The following NELL1 variants were observed in gnomAD, a reference collection of about 807,000 sequenced individuals.
The protein encoded by NELL1 is neural EGFL like 1, also known as protein kinase C-binding protein NELL1.
In NELL1, 76 loss-of-function variants were observed where a neutral mutation model predicts 107.4. That is an observed-to-expected ratio of 0.71 (90% CI 0.59 to 0.86). The LOEUF is 0.86. Among genes scored for constraint, NELL1 ranks in the 40% least tolerant of loss-of-function variants. NELL1 has a pLI of 0.00. For synonymous variants in NELL1, 353 were observed against 341.2 expected (o/e 1.03, Z -0.38); for missense variants, 1,024 against 1,005.5 (o/e 1.02, Z -0.25).
intron 14 of NELL1, among the ~76,000 whole-genome samples, chr11:21,241,647 A>G (rs1255710908): frequency 2.0e-5 from 3 of 152,130 alleles, no homozygotes; most frequent in Non-Finnish European, 4.4e-5. Flanking sequence ...TCTTTCTGCC[A>G]TCAGATATTG....
chr11:20,938,932 CTCTCTCTCTG>C (rs55686207), intron 10 of NELL1, among the ~76,000 whole-genome samples: 71,416 of 139,150 alleles, frequency 0.51, 18,863 homozygotes, highest in Admixed American at 0.63. Context: ...CTCTCTCTCT[CTCTCTCTCTG>C]TGTGTGTGTG....
intron 12 of NELL1, among the ~76,000 whole-genome samples, chr11:20,985,304 G>C (rs1851830837): frequency 6.6e-6 from 1 of 152,100 alleles, no homozygotes; most frequent in African/African-American, 2.4e-5. Context: ...CTTTATATAT[G>C]TTTTCTTAGT....
In NELL1 at chr11:21,483,756, G is replaced by A. The variant is rs181206465; in HGVS notation, c.1646-50618G>A. Among the ~76,000 whole-genome samples the A allele has an allele frequency of 1.7e-4, 26 of 150,658 alleles. No individual in the cohort carries two copies. In the East Asian group the frequency reaches 3.3e-3, roughly 19 times the overall value. ...ACAAATAGAAGTAAACAAGTATTTA[G>A]CATAAGGTGTAATTAAGTAAAATAG... On this transcript the variant is annotated intron_variant, in intron 15 of 19. Transcript: ENST00000357134.
intron 14 of NELL1, among the ~76,000 whole-genome samples, chr11:21,326,775 C>G (rs1179695014): frequency 4.6e-5 from 7 of 150,892 alleles, no homozygotes; most frequent in Non-Finnish European, 4.4e-5. Context: ...TTTCTTAAGA[C>G]TTAAAACATG....
At chr11:21,376,825 G>A (rs1851492893) in intron 15 of NELL1, among the ~76,000 whole-genome samples, 1 of 151,940 alleles carries the variant, frequency 6.6e-6, no homozygotes, top group Non-Finnish European at 1.5e-5. Context: ...ATGGAATTGT[G>A]TTCTTGATTT....
chr11:20,725,891 C>T (rs911363079), intron 2 of NELL1, among the ~76,000 whole-genome samples: 11 of 152,186 alleles, frequency 7.2e-5, no homozygotes, highest in Non-Finnish European at 2.9e-5. Context: ...AGTTTTTCAA[C>T]TCTTTCTTCC....
At chr11:21,030,918 A>G (rs144746713) in intron 12 of NELL1, among the ~76,000 whole-genome samples, 36 of 152,178 alleles carry the variant, frequency 2.4e-4, no homozygotes, top group Non-Finnish European at 3.4e-4. Context: ...TGGTTTAGGA[A>G]CAGGGTTCTG....
chr11:20,840,602 C>A (rs1051697989), intron 3 of NELL1, among the ~76,000 whole-genome samples: 1 of 152,214 alleles, frequency 6.6e-6, no homozygotes, highest in Admixed American at 6.5e-5. Context: ...TTCCTCACAG[C>A]AAGGTGGCCT....
chr11:21,052,166 C>G (rs1482186782), intron 12 of NELL1, among the ~76,000 whole-genome samples: 1 of 151,956 alleles, frequency 6.6e-6, no homozygotes, highest in Non-Finnish European at 1.5e-5. Flanking sequence ...AATGAACAAC[C>G]AGGAGACCAT....
chr11:21,030,442 C>A (rs1852924968), intron 12 of NELL1, among the ~76,000 whole-genome samples: 1 of 152,082 alleles, frequency 6.6e-6, no homozygotes, highest in African/African-American at 2.4e-5. Flanking sequence ...TGCTGTTAAA[C>A]CAGAAACTTG....
At chr11:21,112,557 T>C (rs1241630844) in intron 12 of NELL1, among the ~76,000 whole-genome samples, 1 of 152,072 alleles carries the variant, frequency 6.6e-6, no homozygotes, top group Non-Finnish European at 1.5e-5. Flanking sequence ...ATGCCAGATA[T>C]TTAACTTCTC....
intron 13 of NELL1, among the ~76,000 whole-genome samples, chr11:21,199,155 C>T (rs1045101848): frequency 3.3e-5 from 5 of 152,098 alleles, no homozygotes; most frequent in Middle Eastern, 3.2e-3. Flanking sequence ...TTCTTACTAC[C>T]CCTCTTCTTA....
intron 12 of NELL1, among the ~76,000 whole-genome samples, chr11:21,031,352 A>T (rs1034419109): frequency 6.6e-6 from 1 of 152,186 alleles, no homozygotes; most frequent in Non-Finnish European, 1.5e-5. Context: ...TTCAGGTATA[A>T]TGCCATTTCT....
At chr11:21,030,622 A>ATTTTTTT (rs201033870) in intron 12 of NELL1, among the ~76,000 whole-genome samples, 4 of 120,124 alleles carry the variant, frequency 3.3e-5, no homozygotes, top group Non-Finnish European at 5.5e-5. Context: ...ATTTTCTTGT[A>ATTTTTTT]TTTTTTTTTT....
At chr11:21,298,379 C>A (rs1461339734) in intron 14 of NELL1, among the ~76,000 whole-genome samples, 1 of 151,916 alleles carries the variant, frequency 6.6e-6, no homozygotes, top group Non-Finnish European at 1.5e-5. Context: ...TTATTTATTT[C>A]TTCTCTTCTC....
At chr11:21,035,875 T>C (rs1364790466) in intron 12 of NELL1, among the ~76,000 whole-genome samples, 1 of 152,104 alleles carries the variant, frequency 6.6e-6, no homozygotes, top group East Asian at 1.9e-4. Context: ...GTATTGGAAG[T>C]CTTGGCCAGA....
chr11:20,797,639 G>A (rs909434473), intron 3 of NELL1, among the ~76,000 whole-genome samples: 1 of 149,854 alleles, frequency 6.7e-6, no homozygotes, highest in Non-Finnish European at 1.5e-5. Flanking sequence ...TAAGAGGACA[G>A]AATCCTGCAC....
At chr11:20,956,519 G>A (rs12269929) in intron 11 of NELL1, among the ~76,000 whole-genome samples, 8,177 of 151,656 alleles carry the variant, frequency 0.054, 686 homozygotes, top group East Asian at 0.27. Flanking sequence ...GGTGGCGGGC[G>A]CCCGTAGTCC....
In NELL1 at chr11:21,042,676, C is replaced by G. The variant is rs564109540; in HGVS notation, c.1301-70913C>G. On this transcript the variant is annotated intron_variant, in intron 12 of 19. Transcript: ENST00000357134. ...TACTGTAGCTACCTTCTTGTCATCT[C>G]TTGGTGGTGAGAGCCAGTACTTTGC... Among the ~76,000 whole-genome samples the G allele has an allele frequency of 3.3e-5, 5 of 152,178 alleles. No homozygotes were observed. The East Asian group carries it at 7.8e-4, about 24-fold the overall frequency.
Sources: gnomAD v4.1 joint callset for allele counts (sites outside exome capture counted in the v4.1 genomes callset) on GRCh38, gnomAD v4.1.1 for gene constraint, MANE v1.5 for transcripts, NCBI Gene and HGNC (gene_info 2026-07-23, HGNC 2026-07-21) for gene names.